The following AVEN variants were observed in gnomAD, a reference collection of about 807,000 sequenced individuals.
AVEN encodes apoptosis and caspase activation inhibitor.
In AVEN, 41 loss-of-function variants were observed where a neutral mutation model predicts 38.1. The observed-to-expected ratio is 1.08, with a 90% CI of 0.84 to 1.40. The LOEUF (loss-of-function observed/expected upper bound fraction) is 1.40. AVEN is among the 40% of genes most tolerant of loss of function. The probability of loss-of-function intolerance (pLI) is 0.00; values close to 1 mark genes in which losing one functional copy is unlikely to be tolerated. For synonymous variants in AVEN, 206 were observed against 171.8 expected (o/e 1.20, Z -1.56); for missense variants, 605 against 438.8 (o/e 1.38, Z -3.38).
At chr15:34,047,612 G>C (rs959489595) in intron 5 of AVEN, among the ~76,000 whole-genome samples, 7 of 152,072 alleles carry the variant, frequency 4.6e-5, no homozygotes, top group African/African-American at 1.2e-4. Context: ...GAGGATGACT[G>C]TTACCTCTGT....
rs56292235 is a variant in AVEN at position 33,974,377 on chromosome 15, A to G, written c.445+28655T>C. On this transcript the variant is annotated intron_variant, in intron 2 of 5. Transcript: ENST00000306730. Reference sequence around the variant, plus strand: ...CTCTCTGTGAGGAATGAATCTTTGCAAGTTACCTATGTTATATCTCCCCAA... The same window carrying G: ...CTCTCTGTGAGGAATGAATCTTTGCGAGTTACCTATGTTATATCTCCCCAA... Among the ~76,000 whole-genome samples, 1,165 of 152,252 alleles carry G rather than the reference A, an allele frequency of 7.7e-3. 18 individuals are homozygous for G. Among genetic ancestry groups the G allele is most frequent in the African/African-American group, 0.027 (1,128 of 41,534 alleles).
intron 3 of AVEN, among the ~76,000 whole-genome samples, chr15:33,872,960 C>T (rs937239393): frequency 1.3e-5 from 2 of 152,054 alleles, no homozygotes; most frequent in African/African-American, 4.8e-5. Context: ...CACAGAGCAA[C>T]GAACGCCAAG....
chr15:33,983,161 T>C (rs577481496), intron 2 of AVEN, among the ~76,000 whole-genome samples: 1 of 86,908 alleles, frequency 1.2e-5, no homozygotes, highest in East Asian at 4.5e-4. Flanking sequence ...TGTGTGTGTA[T>C]GTGTGTGTGT....
At chr15:33,865,413 G>A, downstream of AVEN, 2 of 545,034 alleles carry the variant, frequency 3.7e-6, no homozygotes. Context: ...GACATACACT[G>A]TGGGAGAGAA....
chr15:34,046,041 T>C (rs1899669098), intron 5 of AVEN, among the ~76,000 whole-genome samples: 1 of 152,130 alleles, frequency 6.6e-6, no homozygotes, highest in Non-Finnish European at 1.5e-5. Flanking sequence ...ACTGTTAAAG[T>C]TTGAGTAATC....
At chr15:33,982,685 T>C (rs1896207092) in intron 2 of AVEN, among the ~76,000 whole-genome samples, 2 of 152,230 alleles carry the variant, frequency 1.3e-5, no homozygotes, top group Non-Finnish European at 2.9e-5. Flanking sequence ...TTGTTTAGGT[T>C]ATGGCATTTC....
At chr15:34,004,886 CCAAACA>C (rs1220089264) in intron 1 of AVEN, among the ~76,000 whole-genome samples, 2 of 151,374 alleles carry the variant, frequency 1.3e-5, no homozygotes, top group Non-Finnish European at 2.9e-5. Context: ...AAGATGTGTC[CCAAACA>C]TTACAAAATC....
intron 5 of AVEN, among the ~76,000 whole-genome samples, chr15:34,057,514 G>A (rs1900201279): frequency 6.6e-6 from 1 of 152,166 alleles, no homozygotes; most frequent in African/African-American, 2.4e-5. Flanking sequence ...TCAGGCACTG[G>A]CTGAATACAA....
chr15:33,984,708 T>C (rs1259554283), intron 2 of AVEN, among the ~76,000 whole-genome samples: 1 of 152,144 alleles, frequency 6.6e-6, no homozygotes. Context: ...AGCCTATTCA[T>C]AGTAGGTTTC....
At chr15:33,994,124 A>T (rs1896839623) in intron 2 of AVEN, among the ~76,000 whole-genome samples, 2 of 152,218 alleles carry the variant, frequency 1.3e-5, no homozygotes, top group Admixed American at 6.5e-5. Flanking sequence ...CGGGCTGCAT[A>T]GCAGGAGGTG....
At chr15:33,998,459 C>A (rs774298024) in intron 2 of AVEN, among the ~76,000 whole-genome samples, 1 of 152,078 alleles carries the variant, frequency 6.6e-6, no homozygotes, top group Non-Finnish European at 1.5e-5. Flanking sequence ...CCTGTCACTA[C>A]AAAAGAAATG....
At chr15:34,004,702 G>T (rs1434365669) in intron 1 of AVEN, among the ~76,000 whole-genome samples, 1 of 152,102 alleles carries the variant, frequency 6.6e-6, no homozygotes. Context: ...GAGGAATGGT[G>T]GATAGACATG....
intron 2 of AVEN, among the ~76,000 whole-genome samples, chr15:33,954,217 G>A (rs1198914837): frequency 6.6e-6 from 1 of 152,196 alleles, no homozygotes; most frequent in Non-Finnish European, 1.5e-5. Context: ...GTGTAAACAA[G>A]TTCAACCATT....
At chr15:34,022,401 GAA>G (rs1294311971) in intron 1 of AVEN, among the ~76,000 whole-genome samples, 1 of 152,184 alleles carries the variant, frequency 6.6e-6, no homozygotes, top group Non-Finnish European at 1.5e-5. Context: ...CATTAGGGAG[GAA>G]AAAATATTTA....
the AVEN span, chr15:33,853,751 A>G: frequency 6.4e-7 from 1 of 1,556,376 alleles, no homozygotes; most frequent in Non-Finnish European, 8.7e-7. Context: ...TCCATAGGAA[A>G]AAATCACAAC....
Position 33,859,486 on chromosome 15 carries a change from A to G in AVEN, n.2730-392T>C, listed in dbSNP as rs901253205. On this transcript the variant is annotated intron_variant and non_coding_transcript_variant, in intron 11 of 11. Transcript: ENST00000675287. ...CCTCTCGTGGCTTAGGGCTGCCACA[A>G]TCTGACCGAATCATATGAATGATCT... is the stretch of plus-strand genomic sequence containing the variant. 6 of 1,486,428 alleles carry G rather than the reference A, an allele frequency of 4.0e-6. No individual in the cohort carries two copies. The Admixed American group carries it at 8.7e-5, about 22-fold the overall frequency. 92.1% of individuals were successfully genotyped at this position (1,486,428 alleles called of 1,614,324 possible). A position where few individuals can be genotyped will look rare whatever the true frequency, so the allele number is the denominator to read the frequency against.
chr15:34,049,940 T>C (rs1296412372), intron 5 of AVEN, among the ~76,000 whole-genome samples: 1 of 149,344 alleles, frequency 6.7e-6, no homozygotes, highest in Non-Finnish European at 1.5e-5. Context: ...TAGGCTGGAG[T>C]GCAGTGGCAC....
At chr15:34,069,825 T>C (rs1427158699) in intron 2 of AVEN, among the ~76,000 whole-genome samples, 2 of 152,240 alleles carry the variant, frequency 1.3e-5, no homozygotes, top group African/African-American at 4.8e-5. Context: ...TTTCAGAGTT[T>C]TCTCCCATAA....
At chr15:34,019,740 G>A (rs1333540825) in intron 1 of AVEN, among the ~76,000 whole-genome samples, 2 of 152,100 alleles carry the variant, frequency 1.3e-5, no homozygotes, top group Non-Finnish European at 2.9e-5. Context: ...TGTAGCCCAG[G>A]AGCAATATGT....
Sources: allele counts gnomAD v4.1 joint callset (sites outside exome capture counted in the v4.1 genomes callset), GRCh38; gene constraint gnomAD v4.1.1; transcripts MANE v1.5; gene names NCBI Gene and HGNC (gene_info 2026-07-23, HGNC 2026-07-21).